Variants in TRPM7 observed in about 807,000 individuals in gnomAD.
TRPM7 encodes the protein transient receptor potential cation channel subfamily M member 7, also known as LTRPC ion channel family member 7.
In TRPM7, 134 loss-of-function variants were observed where a neutral mutation model predicts 229.7. The observed-to-expected ratio is 0.58, with a 90% CI of 0.51 to 0.67. The LOEUF (loss-of-function observed/expected upper bound fraction) is 0.67, where lower values mean the gene tolerates loss of function less well. TRPM7 is among the 30% of genes least tolerant of loss of function. The probability of loss-of-function intolerance (pLI) is 0.00; values close to 1 mark genes in which losing one functional copy is unlikely to be tolerated. For missense variants in TRPM7, 1,901 were observed against 2,210.0 expected, an observed-to-expected ratio of 0.86 and a Z score of 2.80; for synonymous variants, 699 against 715.2, an observed-to-expected ratio of 0.98 and a Z score of 0.36.
chr15:50,657,735 T>G, intron 3 of TRPM7, 46 bp downstream of exon 3: 1 of 1,548,908 alleles, frequency 6.5e-7, no homozygotes, highest in Non-Finnish European at 8.9e-7. Context: ...TAGATTAGTT[T>G]TATTTATTTT....
chr15:50,614,334 C>A (rs1452139176), intron 13 of TRPM7, 71 bp from the exon 14 acceptor site: 8 of 1,322,154 alleles, frequency 6.1e-6, no homozygotes, highest in Admixed American at 2.4e-5. Flanking sequence ...TGCCTAGGAA[C>A]AGGCCTACTC....
At chr15:50,589,855 GTTTT>G (rs1221642877) in intron 26 of TRPM7, among the ~76,000 whole-genome samples, 199 bp from the exon 27 acceptor site, 1 of 148,848 alleles carries the variant, frequency 6.7e-6, no homozygotes, top group Non-Finnish European at 1.5e-5. Context: ...AGTTTTTTTT[GTTTT>G]TTGTTTTTTT....
At chr15:50,642,785 A>G (rs568339079) in intron 5 of TRPM7, among the ~76,000 whole-genome samples, 1 of 152,322 alleles carries the variant, frequency 6.6e-6, no homozygotes, top group East Asian at 1.9e-4. Flanking sequence ...ATGTTCCAGT[A>G]AATCTTTATT....
In TRPM7 at chr15:50,686,780, G is replaced by T. The variant is rs772322113; in HGVS notation, c.-247C>A. On this transcript the variant is annotated 5_prime_UTR_variant, in exon 1 of 39. Transcript: ENST00000646667. ...GGACGCGCCCGCGCCCGCCTCCGCC[G>T]GCGACGGGGCTGGGGACGGACCACG... 4.5e-6 allele frequency: 2 copies of T among 442,046 alleles called. No homozygotes were observed. Among genetic ancestry groups the T allele is most frequent in the South Asian group, 3.8e-5 (1 of 26,028 alleles). 27.4% of individuals were successfully genotyped at this position (442,046 alleles called of 1,614,324 possible).
intron 12 of TRPM7, among the ~76,000 whole-genome samples, chr15:50,621,350 T>G (rs570002621): frequency 1.3e-5 from 2 of 152,218 alleles, no homozygotes; most frequent in East Asian, 3.9e-4. Flanking sequence ...TGTAATCACA[T>G]GGAAAGGCAC....
chr15:50,592,765 T>G lies in TRPM7; in HGVS notation c.3609-139A>C, dbSNP rs578233241. 119 of 619,052 alleles carry G rather than the reference T, an allele frequency of 1.9e-4. No homozygotes were observed. The African/African-American group carries it at 2.1e-3, about 11-fold the overall frequency. The allele number at this position is 619,052 out of a possible 1,614,324, so 38.3% of individuals were successfully genotyped here. On this transcript the variant is annotated intron_variant, in intron 25 of 38. Transcript: ENST00000646667. ...AGATATAAAATAAGGTACAGTTATT[T>G]AATTATACAAGGCCTACCTTATGTT...
At chr15:50,636,220 C>G (rs1246359830) in intron 7 of TRPM7, among the ~76,000 whole-genome samples, 1 of 148,162 alleles carries the variant, frequency 6.7e-6, no homozygotes, top group African/African-American at 2.5e-5. Context: ...GAGTCTTGCT[C>G]TGTCAACCAG....
At chr15:50,675,371 G>C (rs1216397864) in intron 1 of TRPM7, among the ~76,000 whole-genome samples, 1 of 151,262 alleles carries the variant, frequency 6.6e-6, no homozygotes, top group African/African-American at 2.4e-5. Context: ...ATCTCCTACA[G>C]CCTTCCCTAC....
rs1158290418 is a variant in TRPM7, at chr15:50,589,668, A to T, written c.4325-12T>A. On this transcript the variant is annotated splice_polypyrimidine_tract_variant and intron_variant, in intron 26 of 38. Coordinates refer to ENST00000646667, the MANE Select transcript of TRPM7 (RefSeq NM_017672.6). ...GCTATCTCTGTGTCCTTTAATAGAA[A>T]AAAAGATGTTGCAATGAGAAATTTT... The T allele has an allele frequency of 6.4e-7, 1 of 1,563,270 alleles. No homozygotes were observed. Among genetic ancestry groups the T allele is most frequent in the African/African-American group, 1.4e-5 (1 of 72,676 alleles).
intron 28 of TRPM7, among the ~76,000 whole-genome samples, chr15:50,585,993 G>C (rs2059332973): frequency 6.8e-6 from 1 of 146,682 alleles, no homozygotes; most frequent in African/African-American, 2.4e-5. Context: ...AACAGAGTGA[G>C]AGAGAAAATT....
rs1438181670 is a variant in TRPM7 at position 50,589,605 on chromosome 15, A to G, written c.4376T>C (p.Ile1459Thr). The G allele has an allele frequency of 2.0e-5, 32 of 1,579,860 alleles. No homozygotes were observed. The Admixed American group carries it at 5.5e-4, about 27-fold the overall frequency. Residue 1459 changes from isoleucine to threonine, a missense_variant, in exon 27 of 39, where the codon ATA (isoleucine) becomes ACA (threonine). Around this residue, in one of 8 missense-constraint regions of TRPM7, gnomAD observed 533 missense variants for 497.1 expected, o/e 1.07. Transcript: ENST00000646667. ...GGATTTACTTACGGATAGTATTTTT[A>G]TCTTGTTTGATGTTTCTTTAAACCT... The part of the protein sequence containing the change: ...LQRFKETSNK[I>T]KILSNNNTSE...
At chr15:50,649,209 C>G (rs1362206593) in intron 3 of TRPM7, among the ~76,000 whole-genome samples, 1 of 152,044 alleles carries the variant, frequency 6.6e-6, no homozygotes, top group Non-Finnish European at 1.5e-5. Flanking sequence ...GAGGCCATGG[C>G]TGGAGGACCT....
chr15:50,601,534 C>T (rs915766736), intron 21 of TRPM7, among the ~76,000 whole-genome samples: 4 of 151,930 alleles, frequency 2.6e-5, no homozygotes, highest in Admixed American at 2.6e-4. Context: ...CCCAGCTACT[C>T]GGGAGGCTGA....
At chr15:50,588,124 A>T in intron 27 of TRPM7, 1 of 649,906 alleles carries the variant, frequency 1.5e-6, no homozygotes. Context: ...TATTTCCTCC[A>T]TCTAAAAGCA....
chr15:50,634,756 A>C (rs954822965), intron 7 of TRPM7, among the ~76,000 whole-genome samples, 200 bp from the exon 8 acceptor site: 1 of 152,256 alleles, frequency 6.6e-6, no homozygotes, highest in Non-Finnish European at 1.5e-5. Flanking sequence ...AGTAAATTAA[A>C]TAATGAATAC....
At chr15:50,610,982 C>A (rs769000389) in intron 17 of TRPM7, 111 bp downstream of exon 17, 79 of 797,514 alleles carry the variant, frequency 9.9e-5, no homozygotes, top group Non-Finnish European at 1.3e-4. Flanking sequence ...TCCCTCTTTA[C>A]CCCCCACCAT....
intron 1 of TRPM7, among the ~76,000 whole-genome samples, chr15:50,666,520 G>A (rs762857717): frequency 6.6e-6 from 1 of 151,900 alleles, no homozygotes; most frequent in Non-Finnish European, 1.5e-5. Context: ...AAAAGAAAAA[G>A]AGGCCGGGTG....
At chr15:50,648,581 C>T in intron 4 of TRPM7, 106 bp downstream of exon 4, 1 of 963,150 alleles carries the variant, frequency 1.0e-6, no homozygotes, top group Non-Finnish European at 1.5e-6. Context: ...TTAAAATATA[C>T]AAATAAATTA....
chr15:50,623,294 C>T (rs900387262), intron 12 of TRPM7, among the ~76,000 whole-genome samples: 4 of 152,072 alleles, frequency 2.6e-5, no homozygotes, highest in African/African-American at 9.6e-5. Context: ...CGCCTGTAGT[C>T]CCAGCTACCT....
Sources: allele counts gnomAD v4.1 joint callset (sites outside exome capture counted in the v4.1 genomes callset), GRCh38; gene constraint gnomAD v4.1.1; regional missense constraint gnomAD v4.1.1; transcripts MANE v1.5; gene names NCBI Gene and HGNC (gene_info 2026-07-23, HGNC 2026-07-21).